The following FRMD5 variants were observed in gnomAD, a reference collection of about 807,000 sequenced individuals.
FRMD5 encodes the protein FERM domain containing 5, also known as FERM domain-containing protein 5.
FRMD5 carries 20 observed loss-of-function variants against 69.0 expected under a neutral mutation model. That is an observed-to-expected ratio of 0.29 (90% CI 0.20 to 0.42). The LOEUF (loss-of-function observed/expected upper bound fraction) is 0.42. FRMD5 is among the 10% of genes least tolerant of loss of function. The pLI, the probability that FRMD5 is intolerant of heterozygous loss-of-function variation, is 1.00. For synonymous variants in FRMD5, 271 were observed against 260.1 expected (o/e 1.04, Z -0.40); for missense variants, 595 against 708.6 (o/e 0.84, Z 1.82).
At chr15:44,013,873 T>TTG (rs1890837180) in intron 1 of FRMD5, among the ~76,000 whole-genome samples, 1 of 150,862 alleles carries the variant, frequency 6.6e-6, no homozygotes, top group Non-Finnish European at 1.5e-5. Context: ...TTTTTTTTTT[T>TTG]TGAGACAGAG....
intron 1 of FRMD5, among the ~76,000 whole-genome samples, chr15:43,939,526 TG>T (rs1209692051): frequency 2.0e-5 from 3 of 152,156 alleles, no homozygotes; most frequent in African/African-American, 7.2e-5. Context: ...AGTTGTTCTC[TG>T]GGGTGCTCTT....
At chr15:44,111,076 T>C (rs1351759091) in intron 1 of FRMD5, among the ~76,000 whole-genome samples, 1 of 152,232 alleles carries the variant, frequency 6.6e-6, no homozygotes, top group Non-Finnish European at 1.5e-5. Context: ...TTCAACCTGC[T>C]GTAAATATGA....
At chr15:44,049,927 T>A in intron 1 of FRMD5, among the ~76,000 whole-genome samples, 1 of 152,204 alleles carries the variant, frequency 6.6e-6, no homozygotes. Flanking sequence ...CTCTACTTTA[T>A]GATTTAGTTG....
intron 1 of FRMD5, among the ~76,000 whole-genome samples, chr15:44,013,602 A>G (rs1412953392): frequency 6.6e-6 from 1 of 152,226 alleles, no homozygotes; most frequent in Non-Finnish European, 1.5e-5. Context: ...CTATTAATAT[A>G]AAAATGTTTC....
At chr15:43,883,954 T>A (rs1387427919) in intron 12 of FRMD5, 145 bp from the exon 13 acceptor site, 1 of 639,784 alleles carries the variant, frequency 1.6e-6, no homozygotes, top group African/African-American at 1.8e-5. Context: ...TACCTTCTCT[T>A]TGCCTTTGGT....
chr15:43,970,484 G>A (rs531504231), intron 1 of FRMD5, among the ~76,000 whole-genome samples: 5 of 152,190 alleles, frequency 3.3e-5, no homozygotes, highest in East Asian at 3.9e-4. Context: ...TGCTGTTGTC[G>A]TTGTTGAGAC....
chr15:44,125,432 C>A (rs1386897315), intron 1 of FRMD5, among the ~76,000 whole-genome samples: 1 of 152,182 alleles, frequency 6.6e-6, no homozygotes, highest in East Asian at 1.9e-4. Flanking sequence ...ACCATAGTAC[C>A]TTGTGCTCTT....
chr15:44,075,671 TTC>T (rs1893727605), intron 1 of FRMD5, among the ~76,000 whole-genome samples: 1 of 152,152 alleles, frequency 6.6e-6, no homozygotes, highest in African/African-American at 2.4e-5. Flanking sequence ...CCCCTGCATA[TTC>T]TCTGTTTGAC....
At chr15:43,960,028 C>T in intron 1 of FRMD5, among the ~76,000 whole-genome samples, 1 of 152,174 alleles carries the variant, frequency 6.6e-6, no homozygotes, top group Non-Finnish European at 1.5e-5. Flanking sequence ...AGCAATTCTC[C>T]TGCCTCAGCC....
Position 43,873,570 on chromosome 15 carries a change from A to ATAAT in FRMD5, c.*311_*314dup, listed in dbSNP as rs2088223478. 1 of 1,405,190 alleles carries ATAAT rather than the reference A, an allele frequency of 7.1e-7. No individual in the cohort carries two copies. The highest frequency in any genetic ancestry group is 3.0e-5 in the Admixed American group (1 of 33,836). 87.0% of individuals were successfully genotyped at this position (1,405,190 alleles called of 1,614,324 possible). A position where few individuals can be genotyped will look rare whatever the true frequency, so the allele number is the denominator to read the frequency against. On this transcript the variant is annotated 3_prime_UTR_variant, in exon 14 of 14. Transcript: ENST00000417257. The stretch of plus-strand genomic sequence containing the variant: ...AATTATTTTTATTTGATACTTCAAA[A>ATAAT]TAATATACATCTATGAAAAATCAAA...
At chr15:44,103,283 GA>G (rs1410669701) in intron 1 of FRMD5, among the ~76,000 whole-genome samples, 1 of 152,140 alleles carries the variant, frequency 6.6e-6, no homozygotes, top group Non-Finnish European at 1.5e-5. Flanking sequence ...TCTCCAGAAA[GA>G]AGGAAGAAGG....
At position 43,961,167 on chromosome 15, in the gene FRMD5, A is replaced by G. The variant is rs536660608; in HGVS notation, c.103-36858T>C. On this transcript the variant is annotated intron_variant, in intron 1 of 13. Coordinates refer to ENST00000417257, the MANE Select transcript of FRMD5 (RefSeq NM_032892.5). ...TTGATAGACTGCTAGCAAGACTAAT[A>G]AAGAAGAAAAGAGAGAAGAATCAAA... 2.6e-5 allele frequency among the ~76,000 whole-genome samples: 4 copies of G among 152,304 alleles called. No individual in the cohort carries two copies. The South Asian group carries it at 8.3e-4, about 32-fold the overall frequency.
At chr15:43,959,521 T>C (rs527652934) in intron 1 of FRMD5, among the ~76,000 whole-genome samples, 1 of 152,334 alleles carries the variant, frequency 6.6e-6, no homozygotes, top group East Asian at 1.9e-4. Context: ...TAGCTGCAAC[T>C]ATAGAAGTCA....
At chr15:44,019,388 G>A (rs1304814842) in intron 1 of FRMD5, among the ~76,000 whole-genome samples, 1 of 151,372 alleles carries the variant, frequency 6.6e-6, no homozygotes, top group Non-Finnish European at 1.5e-5. Context: ...TCAAAGAAGG[G>A]TTTTTAATAA....
intron 1 of FRMD5, among the ~76,000 whole-genome samples, chr15:44,012,766 T>G (rs1300115747): frequency 2.8e-5 from 4 of 142,964 alleles, no homozygotes; most frequent in African/African-American, 8.6e-5. Flanking sequence ...ATTGGGTTTT[T>G]TTTTTTTTTT....
chr15:43,963,981 C>A, intron 1 of FRMD5, among the ~76,000 whole-genome samples: 1 of 151,964 alleles, frequency 6.6e-6, no homozygotes, highest in Non-Finnish European at 1.5e-5. Flanking sequence ...GGGTGCAGCA[C>A]ACCAACATGG....
At chr15:43,876,282 G>C in intron 13 of FRMD5, 2 of 1,301,520 alleles carry the variant, frequency 1.5e-6, no homozygotes, top group Non-Finnish European at 2.2e-6. Flanking sequence ...CTCTGGGCCT[G>C]GTTTTTACCC....
intron 13 of FRMD5, among the ~76,000 whole-genome samples, chr15:43,878,932 CTTTTTTTTTT>C (rs71421808): frequency 8.9e-6 from 1 of 112,902 alleles, no homozygotes; most frequent in Non-Finnish European, 1.8e-5. Context: ...TTTTTCTTTT[CTTTTTTTTTT>C]TTTTTTTTGA....
At chr15:43,921,247 G>A (rs1336613648) in intron 2 of FRMD5, among the ~76,000 whole-genome samples, 3 of 152,218 alleles carry the variant, frequency 2.0e-5, no homozygotes, top group Non-Finnish European at 4.4e-5. Flanking sequence ...TGGACAGTGA[G>A]GAGAACATAG....
Sources: gnomAD v4.1 joint callset for allele counts (sites outside exome capture counted in the v4.1 genomes callset) on GRCh38, gnomAD v4.1.1 for gene constraint, MANE v1.5 for transcripts, NCBI Gene and HGNC (gene_info 2026-07-23, HGNC 2026-07-21) for gene names.